Variants in DACH2 observed in about 807,000 individuals in gnomAD.
DACH2 encodes the protein dachshund family transcription factor 2.
Under a neutral mutation model 35.8 loss-of-function variants are expected in DACH2, and 17 were observed. That is an observed-to-expected ratio of 0.48 (90% CI 0.33 to 0.71). The LOEUF (loss-of-function observed/expected upper bound fraction) is 0.71, where lower values mean the gene tolerates loss of function less well. Among genes scored for constraint, DACH2 ranks in the 30% least tolerant of loss-of-function variants. The pLI is 0.02. For synonymous variants in DACH2, 195 were observed against 177.3 expected (o/e 1.10, Z -0.79); for missense variants, 469 against 472.7 (o/e 0.99, Z 0.07).
At chrX:86,585,518 T>C (rs1448556241) in intron 3 of DACH2, among the ~76,000 whole-genome samples, 4 of 110,629 alleles carry the variant, frequency 3.6e-5, no homozygotes, top group Non-Finnish European at 7.6e-5. Context: ...CATAGTACCC[T>C]ATAGGTATAT....
At chrX:86,432,651 C>A (rs938922856) in intron 2 of DACH2, among the ~76,000 whole-genome samples, 1 of 111,889 alleles carries the variant, frequency 8.9e-6, no homozygotes, top group African/African-American at 3.2e-5. Context: ...AATGATGCAT[C>A]TCCTTTATAG....
chrX:86,573,742 T>C (rs1482623010), intron 3 of DACH2, among the ~76,000 whole-genome samples: 1 of 111,879 alleles, frequency 8.9e-6, no homozygotes, highest in Non-Finnish European at 1.9e-5. Context: ...TGTGTGCCAT[T>C]CTATGTGCCT....
rs1345693407 is a variant in DACH2, at chrX:86,148,517, G to T, written c.-104G>T. ...TGCGAACAGTTCGGAGCCAGCGAGA[G>T]CGCGCCAGAGAGAGCGAGAGTGAGG... On this transcript the variant is annotated 5_prime_UTR_variant, in exon 1 of 12. Coordinates refer to ENST00000373125, the MANE Select transcript of DACH2 (RefSeq NM_053281.3). 6 of 946,798 alleles carry T rather than the reference G, an allele frequency of 6.3e-6. No homozygotes were observed. The South Asian group carries it at 1.3e-4, about 20-fold the overall frequency. The allele number at this position is 946,798 out of a possible 1,213,427, so 78.0% of individuals were successfully genotyped here. A position where few individuals can be genotyped will look rare whatever the true frequency, so the allele number is the denominator to read the frequency against.
At chrX:86,468,399 CATCTT>C (rs2037708252) in intron 2 of DACH2, among the ~76,000 whole-genome samples, 1 of 110,941 alleles carries the variant, frequency 9.0e-6, no homozygotes, top group African/African-American at 3.3e-5. Context: ...CCATTTTACT[CATCTT>C]ATTTATTTCT....
chrX:86,597,816 G>A (rs2039731800), intron 3 of DACH2, among the ~76,000 whole-genome samples: 1 of 111,769 alleles, frequency 8.9e-6, no homozygotes. Context: ...TTGAGGCTTT[G>A]CATCATTACT....
At chrX:86,180,054 C>A (rs914832883) in intron 1 of DACH2, among the ~76,000 whole-genome samples, 1 of 105,434 alleles carries the variant, frequency 9.5e-6, no homozygotes, top group African/African-American at 3.4e-5. Context: ...TATTTAGTTG[C>A]GGACATAATT....
At chrX:86,635,792 A>T (rs116653352) in intron 3 of DACH2, among the ~76,000 whole-genome samples, 1,281 of 111,793 alleles carry the variant, frequency 0.011, 19 homozygotes, top group African/African-American at 0.039. Context: ...TGCCACAAAA[A>T]GTATAAAATT....
chrX:86,347,597 A>G (rs2035519640), intron 1 of DACH2, among the ~76,000 whole-genome samples: 1 of 112,853 alleles, frequency 8.9e-6, no homozygotes, highest in Non-Finnish European at 1.9e-5. Context: ...TTTTCTCATT[A>G]TTGATTTCAT....
intron 2 of DACH2, among the ~76,000 whole-genome samples, chrX:86,416,140 A>ATGTAT (rs2036699867): frequency 8.9e-6 from 1 of 112,455 alleles, no homozygotes; most frequent in East Asian, 2.8e-4. Context: ...GATTTTACAC[A>ATGTAT]ATTGTATATG....
chrX:86,467,297 G>T (rs1329038769), intron 2 of DACH2, among the ~76,000 whole-genome samples: 1 of 110,960 alleles, frequency 9.0e-6, no homozygotes, highest in Non-Finnish European at 1.9e-5. Flanking sequence ...TCTAGGGCAG[G>T]GGCAACATGC....
intron 3 of DACH2, among the ~76,000 whole-genome samples, chrX:86,628,546 T>C (rs896793866): frequency 8.9e-6 from 1 of 112,893 alleles, no homozygotes; most frequent in African/African-American, 3.2e-5. Context: ...ATAAATATGT[T>C]GCAAGCAACA....
At position 86,816,116 on chromosome X, in the gene DACH2, ACTT is replaced by A. The variant is rs762716036; in HGVS notation, c.1750+21_1750+23del. On this transcript the variant is annotated intron_variant, in intron 11 of 11. Coordinates refer to ENST00000373125, the MANE Select transcript of DACH2 (RefSeq NM_053281.3). ...CTATGCAAGGTACAGTCAACTGAAA[ACTT>A]CTTTCTTTGACTGCTTAATATGTGA... is the stretch of plus-strand genomic sequence containing the variant. 2.6e-6 allele frequency: 3 copies of A among 1,133,540 alleles called. No individual in the cohort carries two copies. The Admixed American group carries it at 7.6e-5, about 29-fold the overall frequency. The allele number at this position is 1,133,540 out of a possible 1,213,427, so 93.4% of individuals were successfully genotyped here.
At chrX:86,304,287 C>G (rs1220917589) in intron 1 of DACH2, 1 of 112,221 alleles carries the variant, frequency 8.9e-6, no homozygotes, top group Non-Finnish European at 1.9e-5. Flanking sequence ...AAATGGGACC[C>G]TGCTTGCCCA....
chrX:86,574,346 C>G (rs1423656044), intron 3 of DACH2, among the ~76,000 whole-genome samples: 1 of 111,391 alleles, frequency 9.0e-6, no homozygotes, highest in Non-Finnish European at 1.9e-5. Context: ...CCAATTAAAA[C>G]TATGCATCAC....
intron 1 of DACH2, among the ~76,000 whole-genome samples, chrX:86,320,698 C>T (rs189894869): frequency 2.7e-5 from 3 of 112,506 alleles, no homozygotes; most frequent in African/African-American, 9.7e-5. Flanking sequence ...ACTTTAGCCA[C>T]AAAGCTAAGT....
In DACH2 at chrX:86,542,851, C is replaced by T. The variant is rs1313766564; in HGVS notation, c.640+28460C>T. On this transcript the variant is annotated intron_variant, in intron 3 of 11. Coordinates refer to ENST00000373125, the MANE Select transcript of DACH2 (RefSeq NM_053281.3). ...ATGCAATGCAAGACTGTGGGCATCT[C>T]CTACACTAGCATCTGTGGCTATCAA... 5.4e-5 allele frequency among the ~76,000 whole-genome samples: 6 copies of T among 111,799 alleles called. No homozygotes were observed. The East Asian group carries it at 1.7e-3, about 32-fold the overall frequency.
Position 86,350,226 on chromosome X carries a change from T to A in DACH2, c.489-26598T>A, listed in dbSNP as rs1313799324. ...CCCACTTTTTGATGGGGTTGTTTGTTTTTTTCTTGTAAATTTGTTTGAGTT... is the reference window on the plus strand; with the variant it reads ...CCCACTTTTTGATGGGGTTGTTTGTATTTTTCTTGTAAATTTGTTTGAGTT... On this transcript the variant is annotated intron_variant, in intron 1 of 11. Coordinates refer to ENST00000373125, the MANE Select transcript of DACH2 (RefSeq NM_053281.3). Among the ~76,000 whole-genome samples, 2 of 16,391 alleles carry A rather than the reference T, an allele frequency of 1.2e-4. 1 individual carries two copies. Among genetic ancestry groups the A allele is most frequent in the Non-Finnish European group, 2.1e-4 (2 of 9,360 alleles). 14.2% of individuals were successfully genotyped at this position (16,391 alleles called of 115,157 possible).
intron 1 of DACH2, among the ~76,000 whole-genome samples, chrX:86,258,163 A>AATCGAGTAT (rs2033559660): frequency 8.9e-6 from 1 of 112,127 alleles, no homozygotes. Context: ...CAGAATAAAG[A>AATCGAGTAT]ATCGAGTATT....
chrX:86,520,359 T>C (rs1412523731), intron 3 of DACH2, among the ~76,000 whole-genome samples: 1 of 111,823 alleles, frequency 8.9e-6, no homozygotes, highest in Non-Finnish European at 1.9e-5. Context: ...TGTCATGTGG[T>C]GGTGAGAATG....
Sources: allele counts gnomAD v4.1 joint callset (sites outside exome capture counted in the v4.1 genomes callset), GRCh38; gene constraint gnomAD v4.1.1; transcripts MANE v1.5; gene names NCBI Gene and HGNC (gene_info 2026-07-23, HGNC 2026-07-21).